Variants in ZFYVE28 observed in about 807,000 individuals in gnomAD.
ZFYVE28 encodes zinc finger FYVE-type containing 28.
Under a neutral mutation model 82.1 loss-of-function variants are expected in ZFYVE28, and 40 were observed. That is an observed-to-expected ratio of 0.49 (90% confidence interval 0.38 to 0.63). The LOEUF is 0.63. Ranked by LOEUF, ZFYVE28 falls within the 30% of genes least tolerant of loss-of-function variation. ZFYVE28 has a pLI of 0.00. For synonymous variants in ZFYVE28, 612 were observed against 546.1 expected (o/e 1.12, Z -1.68); for missense variants, 1,321 against 1,242.1 (o/e 1.06, Z -0.96).
rs1303241377 is a variant in ZFYVE28 at position 2,416,014 on chromosome 4, A to C, written c.39+2271T>G. On this transcript the variant is annotated intron_variant, in intron 1 of 12. Coordinates refer to ENST00000290974, the MANE Select transcript of ZFYVE28 (RefSeq NM_020972.3). This position sits in a 1 kb window ranked among gnomAD's most constrained non-coding sequence, Gnocchi z 4.6. The stretch of plus-strand genomic sequence containing the variant: ...CAGCATGCCAGGAGAAGACAACGAG[A>C]AAAAGGAGAGATCCACATCAATCCT... Among the ~76,000 whole-genome samples the C allele has an allele frequency of 2.0e-5, 3 of 152,100 alleles. No homozygotes were observed. In the East Asian group the frequency reaches 5.8e-4, roughly 29 times the overall value.
Position 2,305,376 on chromosome 4 carries a change from C to T in ZFYVE28, c.964G>A (p.Ala322Thr), listed in dbSNP as rs970189885. Reference sequence around the variant, plus strand: ...TCTGCATCCGGGTCTTTGGCCTTAGCTGAGAGTGGCCCCTCAGGGGGGAGA... The same window carrying T: ...TCTGCATCCGGGTCTTTGGCCTTAGTTGAGAGTGGCCCCTCAGGGGGGAGA... ...APLPPEGPLS[A>T]KAKDPDAELA... The change falls in exon 8 of 13, where the codon GCT (alanine) becomes ACT (threonine). Residue 322 changes from alanine (A) to threonine (T), a missense_variant. This residue lies in a region of ZFYVE28 where 978 missense variants were observed against 833.7 expected (regional missense o/e 1.17). Coordinates refer to ENST00000290974, the MANE Select transcript of ZFYVE28 (RefSeq NM_020972.3). 4 of 1,612,726 alleles carry T rather than the reference C, an allele frequency of 2.5e-6. No individual in the cohort carries two copies. Among genetic ancestry groups the T allele is most frequent in the Non-Finnish European group, 3.4e-6 (4 of 1,179,798 alleles).
chr4:2,361,114 T>G (rs1399555127), intron 1 of ZFYVE28, among the ~76,000 whole-genome samples: 1 of 152,142 alleles, frequency 6.6e-6, no homozygotes, highest in African/African-American at 2.4e-5. Flanking sequence ...CATCAATATT[T>G]TCTCAAAGAT....
chr4:2,274,071 A>G lies in ZFYVE28; in HGVS notation c.2197T>C (p.Cys733Arg). ...GGCCCTGACATGACACCTGAAATGC[A>G]GACGAACAGGCGGTGGATGAGGTCG... is the stretch of plus-strand genomic sequence containing the variant. ...SHDLIHRLFV[C>R]ISGVADQLQT... Residue 733 changes from cysteine (C) to arginine (R), a missense_variant, in exon 9 of 13, where the codon TGC becomes CGC. Around this residue, in one of 2 missense-constraint regions of ZFYVE28, gnomAD observed 978 missense variants for 833.7 expected, o/e 1.17. Transcript: ENST00000290974. 1 of 1,614,068 alleles carries G rather than the reference A, an allele frequency of 6.2e-7. No homozygotes were observed. Among genetic ancestry groups the G allele is most frequent in the Non-Finnish European group, 8.5e-7 (1 of 1,179,992 alleles).
chr4:2,353,877 G>C, intron 2 of ZFYVE28, 56 bp downstream of exon 2: 1 of 1,393,500 alleles, frequency 7.2e-7, no homozygotes, highest in Non-Finnish European at 9.4e-7. Context: ...CTGAGGACAG[G>C]CCACTCTGTC....
chr4:2,304,786 G>A lies in ZFYVE28; in HGVS notation c.1554C>T (p.Ile518=), dbSNP rs376846150. ...GGGAAGTGGGCGATTTGGGGTTGAA[G>A]ATGACCGTGGCTGAGAGCTTCATGC... ...TGGMKLSATV[I]FNPKSPTSLD... The change falls in exon 8 of 13, where the codon ATC becomes ATT. Residue 518 remains isoleucine, a synonymous_variant. Coordinates refer to ENST00000290974, the MANE Select transcript of ZFYVE28 (RefSeq NM_020972.3). 2 of 1,612,678 alleles carry A rather than the reference G, an allele frequency of 1.2e-6. No individual in the cohort carries two copies. Among genetic ancestry groups the A allele is most frequent in the East Asian group, 2.2e-5 (1 of 44,880 alleles).
chr4:2,317,411 G>T (rs888354668), intron 7 of ZFYVE28, among the ~76,000 whole-genome samples: 1 of 152,190 alleles, frequency 6.6e-6, no homozygotes, highest in Admixed American at 6.5e-5. Context: ...ACCGCATGAG[G>T]TCCATTGTTG....
intron 2 of ZFYVE28, among the ~76,000 whole-genome samples, chr4:2,343,693 A>G (rs1250385399): frequency 6.6e-6 from 1 of 152,120 alleles, no homozygotes; most frequent in African/African-American, 2.4e-5. Context: ...CAGCTTGTCT[A>G]AGGCTGTAGT....
chr4:2,328,903 C>A, intron 6 of ZFYVE28: 1 of 393,812 alleles, frequency 2.5e-6, no homozygotes, highest in Non-Finnish European at 4.5e-6. Context: ...ATTGAATGAT[C>A]TTGGCCCCCT....
chr4:2,326,608 T>C (rs1251329053), intron 6 of ZFYVE28, among the ~76,000 whole-genome samples: 1 of 152,222 alleles, frequency 6.6e-6, no homozygotes, highest in Non-Finnish European at 1.5e-5. Context: ...AGGGATTACA[T>C]TAAACATGTA....
In ZFYVE28 at chr4:2,408,900, G is replaced by C. The variant is rs566173703; in HGVS notation, c.39+9385C>G. Among the ~76,000 whole-genome samples the C allele has an allele frequency of 2.0e-5, 3 of 152,340 alleles. No individual in the cohort carries two copies. The highest frequency in any genetic ancestry group is 2.1e-4 in the South Asian group (1 of 4,832). On this transcript the variant is annotated intron_variant, in intron 1 of 12. Transcript: ENST00000290974. This position sits in a 1 kb window ranked among gnomAD's most constrained non-coding sequence, Gnocchi z 4.3. ...GCTCTCAGTTCCCGGCGGTTTCTAA[G>C]TGGACCTTCCCATGCACTCAGCTTT...
In ZFYVE28 at chr4:2,274,160, G is replaced by T; in HGVS notation, c.2108C>A (p.Ala703Glu). ...GGCCTGTGGGGCAGCATGCGTGGCT[G>T]CTGGGGCCGCCTCTGGCCCCATCTT... ...SDKMGPEAAP[A>E]ATHAAPQATR... The change falls in exon 9 of 13, where the codon GCA becomes GAA. Residue 703 changes from alanine (A) to glutamate (E), a missense_variant. Coordinates refer to ENST00000290974, the MANE Select transcript of ZFYVE28 (RefSeq NM_020972.3). The T allele has an allele frequency of 1.2e-6, 2 of 1,613,488 alleles. No homozygotes were observed. Among genetic ancestry groups the T allele is most frequent in the African/African-American group, 1.3e-5 (1 of 75,054 alleles).
intron 8 of ZFYVE28, among the ~76,000 whole-genome samples, chr4:2,275,104 G>A (rs1195754315): frequency 4.6e-5 from 7 of 151,340 alleles, no homozygotes; most frequent in South Asian, 2.1e-4. Context: ...CACAGGCCTC[G>A]CTGGCCTCCC....
At chr4:2,338,096 G>A (rs1051678420) in intron 4 of ZFYVE28, among the ~76,000 whole-genome samples, 4 of 152,228 alleles carry the variant, frequency 2.6e-5, no homozygotes, top group East Asian at 1.9e-4. Context: ...CTTAAGGGGC[G>A]AGAGAGAAAC....
intron 1 of ZFYVE28, among the ~76,000 whole-genome samples, chr4:2,391,454 T>C: frequency 1.0e-5 from 1 of 97,426 alleles, no homozygotes; most frequent in East Asian, 3.0e-4. Context: ...AGGTCAATTA[T>C]CTTTTTTTTT....
chr4:2,390,913 G>C (rs1002714712), intron 1 of ZFYVE28, among the ~76,000 whole-genome samples: 2 of 152,306 alleles, frequency 1.3e-5, no homozygotes, highest in East Asian at 1.9e-4. Flanking sequence ...CTGTCTGTTC[G>C]GGGTCCTCCT....
At chr4:2,272,337 C>T (rs1735986801) in intron 10 of ZFYVE28, among the ~76,000 whole-genome samples, 1 of 152,180 alleles carries the variant, frequency 6.6e-6, no homozygotes, top group African/African-American at 2.4e-5. Flanking sequence ...AGGGATGGCT[C>T]TGCTGGAACA....
chr4:2,305,193 C>A lies in ZFYVE28; in HGVS notation c.1147G>T (p.Ala383Ser). The A allele has an allele frequency of 6.2e-7, 1 of 1,600,860 alleles. No individual in the cohort carries two copies. The change falls in exon 8 of 13, where the codon GCC becomes TCC. Residue 383 changes from alanine (A) to serine (S), a missense_variant. By Grantham distance (99) the Ala-to-Ser change is moderately conservative. Around this residue, in one of 2 missense-constraint regions of ZFYVE28, gnomAD observed 978 missense variants for 833.7 expected, o/e 1.17. Coordinates refer to ENST00000290974, the MANE Select transcript of ZFYVE28 (RefSeq NM_020972.3). ...PGAEGSPGGE[A>S]SPGRPRLRSG... ...CGCAGGCGCGGTCTACCTGGAGAGG[C>A]CTCCCCGCCTGGGCTGCCCTCCGCT...
rs1382467436 is a variant in ZFYVE28 at position 2,278,223 on chromosome 4, T to C, written c.2052-4007A>G. 2.7e-5 allele frequency among the ~76,000 whole-genome samples: 4 copies of C among 150,400 alleles called. No individual in the cohort carries two copies. The East Asian group carries it at 5.8e-4, about 22-fold the overall frequency. ...GCTACAACTCAAAGATTCTCTCTTT[T>C]TTTTTTTTTTTTTTTGAGATGGTGT... is the stretch of plus-strand genomic sequence containing the variant. On this transcript the variant is annotated intron_variant, in intron 8 of 12. Coordinates refer to ENST00000290974, the MANE Select transcript of ZFYVE28 (RefSeq NM_020972.3).
Position 2,335,567 on chromosome 4 carries a change from C to A in ZFYVE28, c.701+138G>T. 2.6e-6 allele frequency: 2 copies of A among 756,436 alleles called. No homozygotes were observed. The highest frequency in any genetic ancestry group is 3.4e-5 in the South Asian group (2 of 59,428). The allele number at this position is 756,436 out of a possible 1,614,324, so 46.9% of individuals were successfully genotyped here. ...CTGCTGAGGGCTGACAGCAGGCCTG[C>A]CTGTCACTGATCGGGACAGCTGAGC... On this transcript the variant is annotated intron_variant, in intron 6 of 12. Transcript: ENST00000290974. This position sits in a 1 kb window ranked among gnomAD's most constrained non-coding sequence, Gnocchi z 5.8.
Sources: allele counts gnomAD v4.1 joint callset (sites outside exome capture counted in the v4.1 genomes callset), GRCh38; gene constraint gnomAD v4.1.1; regional missense constraint gnomAD v4.1.1; non-coding constraint Gnocchi (gnomAD v3.1); transcripts MANE v1.5; gene names NCBI Gene and HGNC (gene_info 2026-07-23, HGNC 2026-07-21).